Variants in ANKRD44 observed in about 807,000 individuals in gnomAD.
The protein encoded by ANKRD44 is ankyrin repeat domain 44.
Under a neutral mutation model 116.0 loss-of-function variants are expected in ANKRD44, and 35 were observed. The observed-to-expected ratio is 0.30, with a 90% confidence interval of 0.23 to 0.40. The LOEUF is 0.40. Ranked by LOEUF, ANKRD44 falls within the 10% of genes least tolerant of loss-of-function variation. The pLI, the probability that ANKRD44 is intolerant of heterozygous loss-of-function variation, is 1.00. For missense variants in ANKRD44, 1,014 were observed against 1,242.6 expected (o/e 0.82, Z 2.77); for synonymous variants, 435 against 461.8 (o/e 0.94, Z 0.74).
chr2:197,038,023 C>T (rs532583285), intron 16 of ANKRD44, among the ~76,000 whole-genome samples: 1 of 152,222 alleles, frequency 6.6e-6, no homozygotes, highest in East Asian at 1.9e-4. Flanking sequence ...GTAGGCAGAG[C>T]ACAGAAGACA....
In ANKRD44 at chr2:197,161,657, C is replaced by T. The variant is rs548408218; in HGVS notation, c.112-14552G>A. On this transcript the variant is annotated intron_variant, in intron 2 of 27. Coordinates refer to ENST00000282272, the MANE Select transcript of ANKRD44 (RefSeq NM_001195144.2). ...CTTGCTTGCAATTACTATCTTTTCT[C>T]TGTTGTGTTTATGTGTTCATGGAAG... 2.4e-3 allele frequency among the ~76,000 whole-genome samples: 368 copies of T among 152,258 alleles called. 2 individuals are homozygous for T. The highest frequency in any genetic ancestry group is 8.0e-3 in the African/African-American group (333 of 41,554).
At chr2:197,148,019 T>C (rs1269429212) in intron 2 of ANKRD44, 2 of 300,618 alleles carry the variant, frequency 6.7e-6, no homozygotes, top group Non-Finnish European at 1.4e-5. Context: ...ATTGAACAGA[T>C]TGTGCTGAAA....
At chr2:197,063,077 C>T (rs2077351731) in intron 16 of ANKRD44, among the ~76,000 whole-genome samples, 1 of 152,196 alleles carries the variant, frequency 6.6e-6, no homozygotes, top group Non-Finnish European at 1.5e-5. Flanking sequence ...CCAGTAGGGG[C>T]CGACTGACAC....
At chr2:197,288,143 ATGAGAAATTAGCTT>A (rs1001468880) in intron 1 of ANKRD44, among the ~76,000 whole-genome samples, 1 of 152,210 alleles carries the variant, frequency 6.6e-6, no homozygotes, top group Non-Finnish European at 1.5e-5. Flanking sequence ...GTCTTTAGAT[ATGAGAAATTAGCTT>A]TCAAATACCA....
chr2:196,993,569 C>G lies in ANKRD44; in HGVS notation c.2923+14G>C, dbSNP rs1211654872. On this transcript the variant is annotated intron_variant, in intron 27 of 27. Transcript: ENST00000282272. The stretch of plus-strand genomic sequence containing the variant: ...GGAAGGTACCTGCAGTCGCTGTTGA[C>G]TTTTTCCACTTACCATTTTCATCTA... The G allele has an allele frequency of 6.5e-7, 1 of 1,548,110 alleles. No individual in the cohort carries two copies. Among genetic ancestry groups the G allele is most frequent in the Non-Finnish European group, 8.7e-7 (1 of 1,144,792 alleles).
intron 23 of ANKRD44, among the ~76,000 whole-genome samples, chr2:197,000,178 A>C (rs2076089380): frequency 6.6e-6 from 1 of 152,214 alleles, no homozygotes. Context: ...GATATGCATA[A>C]AAATATTTAG....
At chr2:197,023,910 G>A (rs928160995) in intron 17 of ANKRD44, among the ~76,000 whole-genome samples, 5 of 152,210 alleles carry the variant, frequency 3.3e-5, no homozygotes, top group Non-Finnish European at 5.9e-5. Context: ...AACACAGACT[G>A]ATGCACACTT....
intron 3 of ANKRD44, among the ~76,000 whole-genome samples, chr2:197,141,936 G>T (rs1244190697): frequency 6.6e-6 from 1 of 152,216 alleles, no homozygotes; most frequent in Non-Finnish European, 1.5e-5. Flanking sequence ...TCTAAAGGAA[G>T]CTTCACATTA....
Position 197,201,923 on chromosome 2 carries a change from T to C in ANKRD44, c.28-14817A>G, listed in dbSNP as rs1238939771. 2.6e-5 allele frequency among the ~76,000 whole-genome samples: 4 copies of C among 152,228 alleles called. No homozygotes were observed. The highest frequency in any genetic ancestry group is 4.4e-5 in the Non-Finnish European group (3 of 68,034). On this transcript the variant is annotated intron_variant, in intron 1 of 27. Transcript: ENST00000282272. The surrounding 1 kb of genome is among the most constrained non-coding windows in gnomAD (Gnocchi z 4.0). ...CAGCTCCCACTTGTAAGAACATTCA[T>C]AGCCACTGTTACCTCATCACCATGT...
intron 1 of ANKRD44, among the ~76,000 whole-genome samples, chr2:197,252,970 G>A (rs970014204): frequency 9.2e-5 from 14 of 152,130 alleles, no homozygotes; most frequent in African/African-American, 1.9e-4. Flanking sequence ...TAAGCTGACC[G>A]TAGGCACAGA....
intron 1 of ANKRD44, among the ~76,000 whole-genome samples, chr2:197,199,812 C>T (rs1303090308): frequency 6.6e-6 from 1 of 152,152 alleles, no homozygotes; most frequent in African/African-American, 2.4e-5. Flanking sequence ...TCGATAGCTA[C>T]AGGATTAAAT....
intron 16 of ANKRD44, chr2:197,029,607 CAG>C: frequency 2.4e-6 from 1 of 423,992 alleles, no homozygotes; most frequent in South Asian, 1.8e-5. Flanking sequence ...ACATTAAATG[CAG>C]AGTCACTCCA....
chr2:196,968,257 G>A (rs2075689201), intron 21 of ANKRD44, among the ~76,000 whole-genome samples: 1 of 152,164 alleles, frequency 6.6e-6, no homozygotes. Flanking sequence ...TTGGTTGACG[G>A]AAAATATTAG....
chr2:197,125,852 C>A lies in ANKRD44; in HGVS notation c.447G>T (p.Leu149=). The A allele has an allele frequency of 6.2e-7, 1 of 1,614,042 alleles. No homozygotes were observed. Among genetic ancestry groups the A allele is most frequent in the South Asian group, 1.1e-5 (1 of 91,042 alleles). The part of the protein sequence containing the change: ...GGRTALHHAA[L]NGHVEMVNLL... ...AAATACCCACCTCCACGTGGCCGTTCAGAGCCGCATGGTGCAAGGCTGTGC... is the reference window on the plus strand; with the variant it reads ...AAATACCCACCTCCACGTGGCCGTTAAGAGCCGCATGGTGCAAGGCTGTGC... The change falls in exon 5 of 28, where the codon CTG becomes CTT. Residue 149 remains leucine, a synonymous_variant. Coordinates refer to ENST00000282272, the MANE Select transcript of ANKRD44 (RefSeq NM_001195144.2).
At chr2:197,181,871 GTTAAC>G (rs1452769336) in intron 2 of ANKRD44, among the ~76,000 whole-genome samples, 1 of 152,156 alleles carries the variant, frequency 6.6e-6, no homozygotes, top group Non-Finnish European at 1.5e-5. Context: ...ATTTGACAGT[GTTAAC>G]TTAAACTATT....
intron 1 of ANKRD44, among the ~76,000 whole-genome samples, chr2:197,198,513 C>G (rs545475914): frequency 6.6e-6 from 1 of 152,074 alleles, no homozygotes; most frequent in South Asian, 2.1e-4. Context: ...TAAATTTGAC[C>G]GGGCATGGTG....
At chr2:197,114,863 G>A (rs2078671151) in intron 8 of ANKRD44, among the ~76,000 whole-genome samples, 1 of 152,198 alleles carries the variant, frequency 6.6e-6, no homozygotes, top group African/African-American at 2.4e-5. Context: ...GCCACACATT[G>A]TCCAATTTAT....
chr2:197,186,284 CTA>C (rs2080657093), intron 2 of ANKRD44, among the ~76,000 whole-genome samples: 2 of 152,144 alleles, frequency 1.3e-5, no homozygotes, highest in South Asian at 4.1e-4. Flanking sequence ...TTTCCTTCCA[CTA>C]TGAATGTAGG....
chr2:197,161,186 G>A (rs1224777156), intron 2 of ANKRD44, among the ~76,000 whole-genome samples: 1 of 152,040 alleles, frequency 6.6e-6, no homozygotes, highest in Non-Finnish European at 1.5e-5. Flanking sequence ...AGATTGACAC[G>A]AGTGCTCCCA....
Sources: gnomAD v4.1 joint callset for allele counts (sites outside exome capture counted in the v4.1 genomes callset) on GRCh38, gnomAD v4.1.1 for gene constraint, Gnocchi (gnomAD v3.1) non-coding constraint, MANE v1.5 for transcripts, NCBI Gene and HGNC (gene_info 2026-07-23, HGNC 2026-07-21) for gene names.